Variants in SLC38A1 observed in about 807,000 individuals in gnomAD.
SLC38A1 encodes sodium-coupled neutral amino acid symporter 1.
SLC38A1 carries 18 observed loss-of-function variants against 60.3 expected under a neutral mutation model. The observed-to-expected ratio is 0.30, with a 90% CI of 0.21 to 0.44. The LOEUF (loss-of-function observed/expected upper bound fraction) is 0.44, where lower values mean the gene tolerates loss of function less well. SLC38A1 is among the 20% of genes least tolerant of loss of function. The pLI, the probability that SLC38A1 is intolerant of heterozygous loss-of-function variation, is 1.00. For synonymous variants in SLC38A1, 196 were observed against 212.1 expected (o/e 0.92, Z 0.66); for missense variants, 448 against 587.2 (o/e 0.76, Z 2.45).
chr12:46,267,101 T>G (rs746628501), intron 1 of SLC38A1: 2 of 152,154 alleles, frequency 1.3e-5, no homozygotes, highest in Non-Finnish European at 2.9e-5. Flanking sequence ...AGGTGACAAA[T>G]TACACCCTCG....
chr12:46,228,001 C>A (rs1229315946), intron 5 of SLC38A1, among the ~76,000 whole-genome samples: 2 of 152,030 alleles, frequency 1.3e-5, no homozygotes, highest in Non-Finnish European at 2.9e-5. Context: ...TCCAATTCTG[C>A]CATATTACCC....
At chr12:46,259,783 T>C (rs1410436476) in intron 1 of SLC38A1, among the ~76,000 whole-genome samples, 1 of 152,148 alleles carries the variant, frequency 6.6e-6, no homozygotes, top group Non-Finnish European at 1.5e-5. Flanking sequence ...CTCTACTTCC[T>C]CTCTCTGCCT....
At chr12:46,229,811 A>G (rs1941002866) in intron 3 of SLC38A1, among the ~76,000 whole-genome samples, 172 bp from the exon 4 acceptor site, 1 of 152,190 alleles carries the variant, frequency 6.6e-6, no homozygotes, top group South Asian at 2.1e-4. Context: ...TTCTTTTGCC[A>G]TTATGAGTTG....
chr12:46,244,760 TG>T (rs1216370496), intron 1 of SLC38A1, among the ~76,000 whole-genome samples: 2 of 152,362 alleles, frequency 1.3e-5, no homozygotes, highest in East Asian at 3.9e-4. Flanking sequence ...GGGCCTGCAC[TG>T]CCAGTAATTT....
At chr12:46,251,414 C>A (rs555845239) in intron 1 of SLC38A1, among the ~76,000 whole-genome samples, 3 of 152,250 alleles carry the variant, frequency 2.0e-5, no homozygotes, top group African/African-American at 7.2e-5. Context: ...CTAGGTAATA[C>A]CATTCAGGAC....
intron 5 of SLC38A1, among the ~76,000 whole-genome samples, chr12:46,215,048 C>T (rs1323882683): frequency 2.6e-5 from 4 of 152,180 alleles, no homozygotes; most frequent in Admixed American, 6.5e-5. Context: ...ATGGATGGGT[C>T]GGGACCTGAG....
chr12:46,214,513 A>C (rs2137432366), intron 5 of SLC38A1, among the ~76,000 whole-genome samples: 1 of 152,364 alleles, frequency 6.6e-6, no homozygotes, highest in Middle Eastern at 3.4e-3. Context: ...ATATGCTAAT[A>C]AAGTGGAAAG....
chr12:46,242,044 A>G (rs1941465534), intron 2 of SLC38A1, among the ~76,000 whole-genome samples: 1 of 152,190 alleles, frequency 6.6e-6, no homozygotes, highest in Non-Finnish European at 1.5e-5. Flanking sequence ...ATGTATATAT[A>G]TGTGAGTGTG....
chr12:46,212,435 A>T (rs1475140898), intron 5 of SLC38A1, among the ~76,000 whole-genome samples: 1 of 152,204 alleles, frequency 6.6e-6, no homozygotes, highest in South Asian at 2.1e-4. Flanking sequence ...TTACATGGGG[A>T]CTACAGATCA....
At chr12:46,233,605 C>T (rs74519049) in intron 3 of SLC38A1, among the ~76,000 whole-genome samples, 7,645 of 152,174 alleles carry the variant, frequency 0.05, 274 homozygotes, top group South Asian at 0.13. Flanking sequence ...GGCATTCAGC[C>T]AGGTCAAACA....
chr12:46,237,914 C>T (rs1941314373), intron 3 of SLC38A1, among the ~76,000 whole-genome samples: 1 of 151,636 alleles, frequency 6.6e-6, no homozygotes, highest in African/African-American at 2.4e-5. Context: ...ATAAAATGGC[C>T]CTGGTAGCAT....
intron 12 of SLC38A1, among the ~76,000 whole-genome samples, chr12:46,202,731 T>C (rs949323917): frequency 6.6e-6 from 1 of 152,234 alleles, no homozygotes; most frequent in Non-Finnish European, 1.5e-5. Flanking sequence ...TCCTCGGTGA[T>C]ACAATATTTG....
At chr12:46,189,675 G>C (rs1256442358) in intron 16 of SLC38A1, among the ~76,000 whole-genome samples, 1 of 152,108 alleles carries the variant, frequency 6.6e-6, no homozygotes, top group African/African-American at 2.4e-5. Context: ...TAATTCCCAC[G>C]TGTCATGGGA....
At chr12:46,252,522 TTTA>T (rs1237686194) in intron 1 of SLC38A1, among the ~76,000 whole-genome samples, 5 of 151,812 alleles carry the variant, frequency 3.3e-5, no homozygotes, top group African/African-American at 1.2e-4. Context: ...ATATTCATTC[TTTA>T]TTAATAAATA....
chr12:46,222,526 A>C (rs1283351698), intron 5 of SLC38A1, among the ~76,000 whole-genome samples: 2 of 152,188 alleles, frequency 1.3e-5, no homozygotes, highest in Non-Finnish European at 2.9e-5. Flanking sequence ...GCTACACACT[A>C]TGTTCCCCGT....
At chr12:46,221,683 G>T (rs375497229) in intron 5 of SLC38A1, among the ~76,000 whole-genome samples, 1 of 152,182 alleles carries the variant, frequency 6.6e-6, no homozygotes, top group African/African-American at 2.4e-5. Context: ...GTTCTAGATC[G>T]TGTTAGCGGG....
chr12:46,245,157 A>G (rs927848241), intron 1 of SLC38A1, among the ~76,000 whole-genome samples: 3 of 152,232 alleles, frequency 2.0e-5, no homozygotes, highest in African/African-American at 7.2e-5. Flanking sequence ...ATTGGGTAGC[A>G]CTACATATCT....
At chr12:46,206,237 G>T in intron 8 of SLC38A1, 75 bp from the exon 9 acceptor site, 1 of 732,564 alleles carries the variant, frequency 1.4e-6, no homozygotes, top group Non-Finnish European at 2.3e-6. Flanking sequence ...AAAATTTCAT[G>T]ATATCATGAT....
chr12:46,189,136 A>G (rs1428281616), intron 16 of SLC38A1, 65 bp from the exon 17 acceptor site: 5 of 1,187,672 alleles, frequency 4.2e-6, no homozygotes, highest in South Asian at 1.3e-5. Context: ...GTACCTGGGG[A>G]AAAAAAATAG....
Sources: gnomAD v4.1 joint callset for allele counts (sites outside exome capture counted in the v4.1 genomes callset) on GRCh38, gnomAD v4.1.1 for gene constraint, MANE v1.5 for transcripts, NCBI Gene and HGNC (gene_info 2026-07-23, HGNC 2026-07-21) for gene names.